UGT1A5: variants seen among roughly 807,000 people sequenced by gnomAD.
UGT1A5 encodes UDP glucuronosyltransferase family 1 member A5, also known as UDP-glucuronosyltransferase 1A5.
Under a neutral mutation model 40.3 loss-of-function variants are expected in UGT1A5, and 29 were observed. The ratio of observed to expected loss-of-function variants is 0.72; its 90% confidence interval spans 0.54 to 0.98. UGT1A5 has a LOEUF of 0.98. UGT1A5 is among the 50% of genes least tolerant of loss of function. The pLI is 0.00. For missense variants in UGT1A5, 678 were observed against 677.9 expected (o/e 1.00, Z 0.00); for synonymous variants, 257 against 262.5 (o/e 0.98, Z 0.20).
At chr2:233,734,022 G>T (rs1181978921) in intron 1 of UGT1A5, among the ~76,000 whole-genome samples, 1 of 151,928 alleles carries the variant, frequency 6.6e-6, no homozygotes, top group Non-Finnish European at 1.5e-5. Context: ...CGAGTTAATG[G>T]GTGCAGCACA....
intron 1 of UGT1A5, chr2:233,729,388 G>T: frequency 1.2e-6 from 2 of 1,613,884 alleles, no homozygotes; most frequent in Non-Finnish European, 1.7e-6. Context: ...GACCCAGGAT[G>T]AATTTGATCG....
intron 1 of UGT1A5, among the ~76,000 whole-genome samples, chr2:233,758,456 A>T (rs1329200911): frequency 2.0e-5 from 3 of 152,254 alleles, no homozygotes; most frequent in Non-Finnish European, 4.4e-5. Flanking sequence ...TGGAAGAATT[A>T]TCACCCTTAA....
chr2:233,743,781 A>C (rs757688108), intron 1 of UGT1A5: 2 of 1,366,938 alleles, frequency 1.5e-6, no homozygotes, highest in Non-Finnish European at 2.0e-6. Flanking sequence ...ACCTGCTTGA[A>C]TCTCCTCTCC....
chr2:233,731,434 C>A (rs17862872), intron 1 of UGT1A5, among the ~76,000 whole-genome samples: 12,097 of 152,204 alleles, frequency 0.079, 644 homozygotes, highest in East Asian at 0.2. Flanking sequence ...ATCCCTCCCC[C>A]AGTCCCCCAC....
Position 233,738,670 on chromosome 2 carries a change from T to C in UGT1A5, c.867+24812T>C, listed in dbSNP as rs377285735. 5.3e-5 allele frequency among the ~76,000 whole-genome samples: 8 copies of C among 152,304 alleles called. No homozygotes were observed. The East Asian group carries it at 7.7e-4, about 15-fold the overall frequency. On this transcript the variant is annotated intron_variant, in intron 1 of 4. Transcript: ENST00000373414. ...TTTGGAACTACGAACTTGAGAGAGA[T>C]GATCTGAAATTGGAACTTATGTTTA...
At chr2:233,742,236 G>A (rs571045989) in intron 1 of UGT1A5, among the ~76,000 whole-genome samples, 1 of 151,990 alleles carries the variant, frequency 6.6e-6, no homozygotes, top group African/African-American at 2.4e-5. Context: ...CCCAAACAGA[G>A]ATTTACCCAC....
intron 1 of UGT1A5, chr2:233,729,303 G>T: frequency 6.2e-7 from 1 of 1,614,236 alleles, no homozygotes; most frequent in South Asian, 1.1e-5. Context: ...ACCAGGCAGT[G>T]GTCCTCACCC....
intron 1 of UGT1A5, chr2:233,729,168 A>G (rs746194501): frequency 1.2e-6 from 2 of 1,613,726 alleles, no homozygotes; most frequent in Admixed American, 1.7e-5. Context: ...GGCTGGCCAC[A>G]GGACTGCTGC....
intron 1 of UGT1A5, among the ~76,000 whole-genome samples, chr2:233,736,155 C>T (rs1455121257): frequency 4.6e-5 from 7 of 152,206 alleles, no homozygotes; most frequent in Admixed American, 6.5e-5. Context: ...ACCAGTCAAA[C>T]GTAGATTTGG....
chr2:233,750,894 A>C lies in UGT1A5; in HGVS notation c.868-16140A>C, dbSNP rs543579784. 1.2e-3 allele frequency among the ~76,000 whole-genome samples: 186 copies of C among 151,880 alleles called. 5 individuals are homozygous for C. The highest frequency in any genetic ancestry group is 4.3e-3 in the African/African-American group (178 of 41,202). ...TGCATGGATGGAGCCCTTATAGAGAACCTCTGCTAGAGAAGGGTGGTAAAG... is the reference window on the plus strand; with the variant it reads ...TGCATGGATGGAGCCCTTATAGAGACCCTCTGCTAGAGAAGGGTGGTAAAG... On this transcript the variant is annotated intron_variant, in intron 1 of 4. Transcript: ENST00000373414.
chr2:233,739,705 T>C (rs887179684), intron 1 of UGT1A5, among the ~76,000 whole-genome samples: 3 of 152,188 alleles, frequency 2.0e-5, no homozygotes, highest in African/African-American at 7.2e-5. Flanking sequence ...TACAGGCTCA[T>C]GGGGGAAGGG....
chr2:233,748,732 T>A (rs1233122564), intron 1 of UGT1A5, among the ~76,000 whole-genome samples: 1 of 151,606 alleles, frequency 6.6e-6, no homozygotes, highest in East Asian at 1.9e-4. Context: ...TGTGGGGACA[T>A]CTCAGAGTTC....
Position 233,729,530 on chromosome 2 carries a change from A to G in UGT1A5, c.867+15672A>G, listed in dbSNP as rs372837189. The G allele has an allele frequency of 5.6e-6, 9 of 1,614,100 alleles. No individual in the cohort carries two copies. Among genetic ancestry groups the G allele is most frequent in the African/African-American group, 1.3e-5 (1 of 74,922 alleles). On this transcript the variant is annotated intron_variant, in intron 1 of 4. Transcript: ENST00000373414. ...TCTTGTGTGGAGCTACTACATAATGAGGCCCTGATCAGGCACCTGAATGCT... is the reference window on the plus strand; with the variant it reads ...TCTTGTGTGGAGCTACTACATAATGGGGCCCTGATCAGGCACCTGAATGCT...
intron 1 of UGT1A5, among the ~76,000 whole-genome samples, chr2:233,738,627 G>A (rs1481617124): frequency 1.3e-5 from 2 of 152,172 alleles, no homozygotes; most frequent in Non-Finnish European, 2.9e-5. Flanking sequence ...TGGCATTTTT[G>A]CCCCTGCCCT....
At chr2:233,754,319 C>A in intron 1 of UGT1A5, 1 of 236,458 alleles carries the variant, frequency 4.2e-6, no homozygotes, top group Non-Finnish European at 8.4e-6. Flanking sequence ...CATTGTCTGC[C>A]TCAGGCTTAA....
Position 233,729,398 on chromosome 2 carries a change from G to C in UGT1A5, c.867+15540G>C, listed in dbSNP as rs540607993. The C allele has an allele frequency of 2.5e-6, 4 of 1,613,536 alleles. No homozygotes were observed. The Admixed American group carries it at 5.0e-5, about 20-fold the overall frequency. ...TCGTGGACCCAGGATGAATTTGATCGCCATGTGCTGGGCCACACTCAACTG... is the reference window on the plus strand; with the variant it reads ...TCGTGGACCCAGGATGAATTTGATCCCCATGTGCTGGGCCACACTCAACTG... On this transcript the variant is annotated intron_variant, in intron 1 of 4. Transcript: ENST00000373414.
intron 1 of UGT1A5, chr2:233,721,861 C>A: frequency 2.0e-6 from 1 of 507,538 alleles, no homozygotes; most frequent in Non-Finnish European, 3.9e-6. Flanking sequence ...CTGCTCGGCC[C>A]TGGGCACACT....
intron 1 of UGT1A5, chr2:233,743,466 A>C (rs1692304653): frequency 7.3e-7 from 1 of 1,366,560 alleles, no homozygotes; most frequent in South Asian, 1.1e-5. Flanking sequence ...AAACACCCCC[A>C]AAAGCTGGAA....
chr2:233,755,461 C>T, intron 1 of UGT1A5: 1 of 282,900 alleles, frequency 3.5e-6, no homozygotes, highest in Non-Finnish European at 6.9e-6. Context: ...ACTGGCCCTG[C>T]TCTCTGTGAG....
Sources: allele counts gnomAD v4.1 joint callset (sites outside exome capture counted in the v4.1 genomes callset), GRCh38; gene constraint gnomAD v4.1.1; transcripts MANE v1.5; gene names NCBI Gene and HGNC (gene_info 2026-07-23, HGNC 2026-07-21).